The following DOK3 variants were observed in gnomAD, a reference collection of about 807,000 sequenced individuals.
DOK3 encodes docking protein 3.
A neutral mutation model predicts 26.2 loss-of-function variants in DOK3; 23 were observed. That is an observed-to-expected ratio of 0.88 (90% CI 0.63 to 1.24). The LOEUF (loss-of-function observed/expected upper bound fraction) is 1.24, where lower values mean the gene tolerates loss of function less well. Among genes scored for constraint, DOK3 ranks in the 50% most tolerant of loss-of-function variants. The pLI is 0.00. For synonymous variants in DOK3, 268 were observed against 268.2 expected, an observed-to-expected ratio of 1.00 and a Z score of 0.01; for missense variants, 619 against 610.6, an observed-to-expected ratio of 1.01 and a Z score of -0.15.
Position 177,504,746 on chromosome 5 carries a change from G to A in DOK3, c.642C>T (p.Asp214=). ...CTTTCCCACCCCTGCACCTCACCTTGTCGGAGCCGAACTTGCGCAGGAAGT... is the reference window on the plus strand; with the variant it reads ...CTTTCCCACCCCTGCACCTCACCTTATCGGAGCCGAACTTGCGCAGGAAGT... ...PYHFLRKFGS[D]KGVFSFEAGR... The change falls in exon 5 of 6, where the codon GAC becomes GAT. Residue 214 remains aspartate (D), a synonymous_variant. Coordinates refer to ENST00000510898, the MANE Select transcript of DOK3 (RefSeq NM_001308236.3). The A allele has an allele frequency of 6.2e-7, 1 of 1,614,046 alleles. No individual in the cohort carries two copies. The highest frequency in any genetic ancestry group is 8.5e-7 in the Non-Finnish European group (1 of 1,179,936).
At chr5:177,505,157 C>G (rs755165374) in intron 3 of DOK3, 47 bp from the exon 4 acceptor site, 8 of 1,495,038 alleles carry the variant, frequency 5.4e-6, no homozygotes, top group African/African-American at 1.4e-5. Context: ...CACTCCCATG[C>G]CCTGTCCCCT....
In DOK3 at chr5:177,503,888, G is replaced by T. The variant is rs1759640269; in HGVS notation, c.*95C>A. On this transcript the variant is annotated 3_prime_UTR_variant, in exon 6 of 6. Transcript: ENST00000510898. Reference sequence around the variant, plus strand: ...TTCCTGCAGGCCAGGGTGGACACAGGCGTGTGTCTGCATGGGCCCAATGTT... The same window carrying T: ...TTCCTGCAGGCCAGGGTGGACACAGTCGTGTGTCTGCATGGGCCCAATGTT... 1 of 1,447,738 alleles carries T rather than the reference G, an allele frequency of 6.9e-7. No individual in the cohort carries two copies. The highest frequency in any genetic ancestry group is 2.6e-5 in the Admixed American group (1 of 38,742). The allele number at this position is 1,447,738 out of a possible 1,614,324, so 89.7% of individuals were successfully genotyped here. A position where few individuals can be genotyped will look rare whatever the true frequency, so the allele number is the denominator to read the frequency against.
At chr5:177,505,825 C>T (rs1461989779) in intron 3 of DOK3, among the ~76,000 whole-genome samples, 6 of 152,122 alleles carry the variant, frequency 3.9e-5, no homozygotes, top group Non-Finnish European at 7.4e-5. Context: ...CAAGCTCCGC[C>T]TCCCAGGTTC....
rs1362419112 is a variant in DOK3, at chr5:177,508,330, A to C, written c.279T>G (p.Gly93=). The change falls in exon 3 of 6, where the codon GGT becomes GGG. Residue 93 remains glycine (G), a synonymous_variant. Coordinates refer to ENST00000510898, the MANE Select transcript of DOK3 (RefSeq NM_001308236.3). ...GCTCGGTGGTGGTGAGCAGGAAGGC[A>C]CCGGTGTCCCGGGGGCAGCTCTCGC... ...ADGESCPRDT[G]AFLLTTTERS... is the part of the protein sequence containing the mutation. The C allele has an allele frequency of 6.3e-7, 1 of 1,595,152 alleles. No homozygotes were observed. The highest frequency in any genetic ancestry group is 1.3e-5 in the African/African-American group (1 of 74,820).
upstream of DOK3, chr5:177,509,966 T>A: frequency 7.0e-7 from 1 of 1,419,254 alleles, no homozygotes; most frequent in Non-Finnish European, 9.6e-7. Flanking sequence ...GCTTTCCCAC[T>A]CGGCGTCCTG....
rs577746535 is a variant in DOK3 at position 177,507,463 on chromosome 5, GTTTTT to G, written c.372+769_372+773del. Among the ~76,000 whole-genome samples, 46 of 151,608 alleles carry G rather than the reference GTTTTT, an allele frequency of 3.0e-4. No homozygotes were observed. The East Asian group carries it at 8.5e-3, about 28-fold the overall frequency. On this transcript the variant is annotated intron_variant, in intron 3 of 5. Coordinates refer to ENST00000510898, the MANE Select transcript of DOK3 (RefSeq NM_001308236.3). ...GCTATGGACGTTCATGTCCATGTGG[GTTTTT>G]TTTTAAGATAGGGTCTTGCTCTGTC...
Position 177,504,525 on chromosome 5 carries a change from G to T in DOK3, c.781C>A (p.Leu261Met). ...IARQRERLPE[L>M]TRPQPCPLPR... ...AGGGGGCAGGGCTGGGGCCTGGTCA[G>T]CTCTGGCAGCCGCTCCCGCTGGCGG... is the stretch of plus-strand genomic sequence containing the variant. Residue 261 changes from leucine (L) to methionine (M), a missense_variant, in exon 6 of 6, where the codon CTG becomes ATG. Transcript: ENST00000510898. The T allele has an allele frequency of 6.3e-7, 1 of 1,589,894 alleles. No homozygotes were observed. The highest frequency in any genetic ancestry group is 8.5e-7 in the Non-Finnish European group (1 of 1,171,638).
chr5:177,506,937 C>T (rs913196155), intron 3 of DOK3, among the ~76,000 whole-genome samples: 8 of 152,130 alleles, frequency 5.3e-5, no homozygotes, highest in Non-Finnish European at 2.9e-5. Flanking sequence ...CCGCCCGCCT[C>T]GGCCTCCCAA....
Position 177,504,670 on chromosome 5 carries a change from G to C in DOK3, c.646-10C>G. The stretch of plus-strand genomic sequence containing the variant: ...CAAAGGAGAACACGCCCTGGGCACA[G>C]GGCACACGGGTGGGGATTAGCAGGA... On this transcript the variant is annotated splice_polypyrimidine_tract_variant and intron_variant, in intron 5 of 5. Transcript: ENST00000510898. The C allele has an allele frequency of 6.2e-7, 1 of 1,613,430 alleles. No individual in the cohort carries two copies. The highest frequency in any genetic ancestry group is 8.5e-7 in the Non-Finnish European group (1 of 1,179,870).
chr5:177,507,426 G>T (rs1487580209), intron 3 of DOK3, among the ~76,000 whole-genome samples: 1 of 152,126 alleles, frequency 6.6e-6, no homozygotes, highest in Non-Finnish European at 1.5e-5. Context: ...TCTGGTGGCT[G>T]TGAGTAGTGC....
intron 2 of DOK3, 74 bp downstream of exon 2, chr5:177,509,401 G>T (rs937364328): frequency 2.6e-6 from 4 of 1,539,242 alleles, no homozygotes; most frequent in Non-Finnish European, 3.5e-6. Context: ...TGGGCTGTCC[G>T]AGGCAGGGGC....
At position 177,503,552 on chromosome 5, in the gene DOK3, A is replaced by ACCAGCTTGGCCTTGAAACCT; in HGVS notation, c.*430_*431insAGGTTTCAAGGCCAAGCTGG. On this transcript the variant is annotated 3_prime_UTR_variant, in exon 6 of 6. Coordinates refer to ENST00000510898, the MANE Select transcript of DOK3 (RefSeq NM_001308236.3). ...TGCTCCTTCCTGAGTCTGACAAGTA[A>ACCAGCTTGGCCTTGAAACCT]GCCTCACAGCTCCCTCCGCCTGCCT... The ACCAGCTTGGCCTTGAAACCT allele has an allele frequency of 7.3e-7, 1 of 1,376,430 alleles. No homozygotes were observed. Among genetic ancestry groups the ACCAGCTTGGCCTTGAAACCT allele is most frequent in the Non-Finnish European group, 9.5e-7 (1 of 1,047,880 alleles). 85.3% of individuals were successfully genotyped at this position (1,376,430 alleles called of 1,614,324 possible).
rs1326672305 is a variant in DOK3 at position 177,504,662 on chromosome 5, T to TGGGCACA, written c.646-9_646-3dup. On this transcript the variant is annotated splice_region_variant and splice_polypyrimidine_tract_variant and intron_variant, in intron 5 of 5. Coordinates refer to ENST00000510898, the MANE Select transcript of DOK3 (RefSeq NM_001308236.3). Reference sequence around the variant, plus strand: ...GCCGGCCTCAAAGGAGAACACGCCCTGGGCACAGGGCACACGGGTGGGGAT... The same window carrying TGGGCACA: ...GCCGGCCTCAAAGGAGAACACGCCCTGGGCACAGGGCACAGGGCACACGGGTGGGGAT... The TGGGCACA allele has an allele frequency of 1.2e-6, 2 of 1,613,158 alleles. No homozygotes were observed. The highest frequency in any genetic ancestry group is 1.7e-6 in the Non-Finnish European group (2 of 1,179,838).
At chr5:177,508,571 C>T in intron 2 of DOK3, 29 bp from the exon 3 acceptor site, 1 of 1,487,682 alleles carries the variant, frequency 6.7e-7, no homozygotes, top group Non-Finnish European at 9.0e-7. Flanking sequence ...AGGGTGAAGA[C>T]CCTTGGGTGG....
chr5:177,506,575 G>A (rs988759933), intron 3 of DOK3, among the ~76,000 whole-genome samples: 1 of 151,276 alleles, frequency 6.6e-6, no homozygotes, highest in Non-Finnish European at 1.5e-5. Flanking sequence ...CTGACCTCAG[G>A]TAATCCGCCT....
At chr5:177,506,089 A>G (rs1487356006) in intron 3 of DOK3, among the ~76,000 whole-genome samples, 1 of 151,896 alleles carries the variant, frequency 6.6e-6, no homozygotes, top group East Asian at 1.9e-4. Context: ...AGTAGCTGGG[A>G]TTACAGGTGC....
At chr5:177,506,258 C>A (rs1324084723) in intron 3 of DOK3, among the ~76,000 whole-genome samples, 1 of 151,256 alleles carries the variant, frequency 6.6e-6, no homozygotes, top group East Asian at 2.0e-4. Context: ...CTAACCTCAA[C>A]TGCCTTTTGT....
rs1759622693 is a variant in DOK3 at position 177,503,783 on chromosome 5, G to A, written c.*200C>T. On this transcript the variant is annotated 3_prime_UTR_variant, in exon 6 of 6. Coordinates refer to ENST00000510898, the MANE Select transcript of DOK3 (RefSeq NM_001308236.3). Reference sequence around the variant, plus strand: ...GTGCCCCTGCCGGGAGCTGCTCTGAGCTTTATTATCTGTGAGTCTGCACAC... The same window carrying A: ...GTGCCCCTGCCGGGAGCTGCTCTGAACTTTATTATCTGTGAGTCTGCACAC... 4 of 1,425,534 alleles carry A rather than the reference G, an allele frequency of 2.8e-6. No individual in the cohort carries two copies. The highest frequency in any genetic ancestry group is 3.0e-5 in the Admixed American group (1 of 33,614). 88.3% of individuals were successfully genotyped at this position (1,425,534 alleles called of 1,614,324 possible). A position where few individuals can be genotyped will look rare whatever the true frequency, so the allele number is the denominator to read the frequency against.
chr5:177,503,064 T>C lies in DOK3; in HGVS notation c.*919A>G. On this transcript the variant is annotated 3_prime_UTR_variant, in exon 6 of 6. Transcript: ENST00000510898. Reference sequence around the variant, plus strand: ...TGAGGTTCAGGATGTGCCAAGGGTGTGTGCAGCTGAGGTGGAGTTGCGGTG... The same window carrying C: ...TGAGGTTCAGGATGTGCCAAGGGTGCGTGCAGCTGAGGTGGAGTTGCGGTG... The C allele has an allele frequency of 1.3e-6, 2 of 1,541,692 alleles. No individual in the cohort carries two copies. The highest frequency in any genetic ancestry group is 1.8e-6 in the Non-Finnish European group (2 of 1,139,850).
Sources: allele counts gnomAD v4.1 joint callset (sites outside exome capture counted in the v4.1 genomes callset), GRCh38; gene constraint gnomAD v4.1.1; transcripts MANE v1.5; gene names NCBI Gene and HGNC (gene_info 2026-07-23, HGNC 2026-07-21).